The following CCBE1 variants were observed in gnomAD, a reference collection of about 807,000 sequenced individuals.
The protein encoded by CCBE1 is collagen and calcium-binding EGF domain-containing protein 1.
CCBE1 carries 37 observed loss-of-function variants against 50.0 expected under a neutral mutation model. The ratio of observed to expected loss-of-function variants is 0.74; its 90% CI spans 0.57 to 0.97. CCBE1 has a LOEUF of 0.97. CCBE1 is among the 50% of genes least tolerant of loss of function. The probability of loss-of-function intolerance (pLI) is 0.00; values close to 1 mark genes in which losing one functional copy is unlikely to be tolerated. For missense variants in CCBE1, 538 were observed against 523.8 expected (o/e 1.03, Z -0.26); for synonymous variants, 234 against 203.7 (o/e 1.15, Z -1.27).
At chr18:59,591,704 G>A (rs2053272338) in intron 2 of CCBE1, among the ~76,000 whole-genome samples, 2 of 152,088 alleles carry the variant, frequency 1.3e-5, no homozygotes, top group Non-Finnish European at 2.9e-5. Flanking sequence ...ATTGCTGGTG[G>A]GCATACAAAC....
intron 7 of CCBE1, among the ~76,000 whole-genome samples, chr18:59,447,121 G>A (rs889763216): frequency 2.0e-5 from 3 of 152,088 alleles, no homozygotes; most frequent in African/African-American, 7.2e-5. Flanking sequence ...TAATAAGGGT[G>A]AATATTCAGA....
chr18:59,526,556 G>A (rs1018320119), intron 2 of CCBE1, among the ~76,000 whole-genome samples: 3 of 152,114 alleles, frequency 2.0e-5, no homozygotes, highest in African/African-American at 7.2e-5. Context: ...TGATTCACCT[G>A]CCTCAGCCTC....
chr18:59,601,928 A>C (rs2053439560), intron 2 of CCBE1, among the ~76,000 whole-genome samples: 1 of 152,144 alleles, frequency 6.6e-6, no homozygotes, highest in Non-Finnish European at 1.5e-5. Flanking sequence ...TTTCCTTTCT[A>C]CTTTGCCCAT....
chr18:59,506,453 C>A (rs1275251825), intron 2 of CCBE1, among the ~76,000 whole-genome samples: 2 of 152,216 alleles, frequency 1.3e-5, no homozygotes, highest in African/African-American at 4.8e-5. Context: ...TAAGACACCA[C>A]TTCACTTGCT....
At chr18:59,676,845 G>C (rs1002230257) in intron 2 of CCBE1, among the ~76,000 whole-genome samples, 2 of 152,178 alleles carry the variant, frequency 1.3e-5, no homozygotes, top group African/African-American at 2.4e-5. Context: ...TTAGGAACCA[G>C]AATTAGGATT....
chr18:59,480,156 G>A, intron 3 of CCBE1, 30 bp downstream of exon 3: 2 of 1,374,560 alleles, frequency 1.5e-6, no homozygotes, highest in Non-Finnish European at 2.1e-6. Context: ...TGTGAATAAA[G>A]TCAGACAATA....
chr18:59,598,691 G>C (rs74885065), intron 2 of CCBE1, among the ~76,000 whole-genome samples: 13,315 of 152,244 alleles, frequency 0.087, 1,659 homozygotes, highest in African/African-American at 0.28. Flanking sequence ...AAGGGCAGAA[G>C]ATGATCCAGA....
chr18:59,577,401 G>A (rs1165352233), intron 2 of CCBE1, among the ~76,000 whole-genome samples: 1 of 152,144 alleles, frequency 6.6e-6, no homozygotes, highest in Admixed American at 6.5e-5. Context: ...AAGCCCCCTG[G>A]AAAGACACAA....
At chr18:59,470,992 C>T (rs973574726) in intron 3 of CCBE1, among the ~76,000 whole-genome samples, 20 of 152,238 alleles carry the variant, frequency 1.3e-4, no homozygotes, top group African/African-American at 4.8e-4. Context: ...ACCAACCCTG[C>T]AAACTGTCTC....
intron 5 of CCBE1, among the ~76,000 whole-genome samples, chr18:59,459,741 G>A (rs1378954953): frequency 6.6e-6 from 1 of 152,176 alleles, no homozygotes; most frequent in Non-Finnish European, 1.5e-5. Flanking sequence ...TTGTGTTCTG[G>A]CTGTAATATC....
Position 59,603,875 on chromosome 18 carries a change from C to T in CCBE1, c.212+92754G>A, listed in dbSNP as rs1366921. ...TGGAGGTGGACATCTGAAGCTCTGT[C>T]CTGACCTCCTCAGGCCGAAAGGTCC... On this transcript the variant is annotated intron_variant, in intron 2 of 10. Transcript: ENST00000439986. 5.1e-3 allele frequency among the ~76,000 whole-genome samples: 781 copies of T among 152,300 alleles called. 12 individuals carry two copies. The highest frequency in any genetic ancestry group is 0.018 in the African/African-American group (733 of 41,556).
At chr18:59,651,763 C>T (rs566615089) in intron 2 of CCBE1, among the ~76,000 whole-genome samples, 1 of 152,142 alleles carries the variant, frequency 6.6e-6, no homozygotes, top group Non-Finnish European at 1.5e-5. Flanking sequence ...CTGGGCCCCA[C>T]CTTGTAGTTC....
chr18:59,632,791 T>C lies in CCBE1; in HGVS notation c.212+63838A>G, dbSNP rs917980569. 1.1e-4 allele frequency among the ~76,000 whole-genome samples: 16 copies of C among 152,244 alleles called. No homozygotes were observed. The South Asian group carries it at 1.5e-3, about 14-fold the overall frequency. ...TATTTGTTTTATTTTATTTTTTTAA[T>C]AGAGACGGGGTTTCACCATGTTGGC... On this transcript the variant is annotated intron_variant, in intron 2 of 10. Transcript: ENST00000439986.
In CCBE1 at chr18:59,566,145, A is replaced by G. The variant is rs150349535; in HGVS notation, c.213-85907T>C. Among the ~76,000 whole-genome samples the G allele has an allele frequency of 7.1e-3, 1,077 of 152,332 alleles. 10 individuals are homozygous for G. The highest frequency in any genetic ancestry group is 0.025 in the African/African-American group (1,019 of 41,566). ...GTGGCTACCAGGGTGCCCCGCAGGC[A>G]GCAGGTCAGGAAATCAATCAGATGC... On this transcript the variant is annotated intron_variant, in intron 2 of 10. Transcript: ENST00000439986.
At position 59,659,650 on chromosome 18, in the gene CCBE1, G is replaced by A. The variant is rs183846442; in HGVS notation, c.212+36979C>T. ...GGGATGTGTCTGACCACAATTTCAG[G>A]ATTTCTAGAGAGCCTGGGTCTCAGG... is the stretch of plus-strand genomic sequence containing the variant. On this transcript the variant is annotated intron_variant, in intron 2 of 10. Transcript: ENST00000439986. Among the ~76,000 whole-genome samples the A allele has an allele frequency of 1.5e-3, 227 of 152,270 alleles. 2 individuals carry two copies. Among genetic ancestry groups the A allele is most frequent in the Non-Finnish European group, 6.5e-4 (44 of 68,016 alleles).
At chr18:59,630,424 G>A (rs1329935901) in intron 2 of CCBE1, among the ~76,000 whole-genome samples, 1 of 152,196 alleles carries the variant, frequency 6.6e-6, no homozygotes, top group African/African-American at 2.4e-5. Flanking sequence ...CTAAAATTCA[G>A]TGGCTTAGGA....
At chr18:59,693,367 C>A (rs2054762358) in intron 2 of CCBE1, among the ~76,000 whole-genome samples, 1 of 151,836 alleles carries the variant, frequency 6.6e-6, no homozygotes, top group African/African-American at 2.4e-5. Context: ...CCTTTTTTGT[C>A]CCCCAACTTG....
intron 3 of CCBE1, among the ~76,000 whole-genome samples, chr18:59,476,949 A>G (rs1160509447): frequency 6.6e-6 from 1 of 152,188 alleles, no homozygotes; most frequent in Non-Finnish European, 1.5e-5. Context: ...ATCCCTACTG[A>G]TCCACTAGCA....
intron 2 of CCBE1, among the ~76,000 whole-genome samples, chr18:59,559,146 G>A (rs1259060063): frequency 6.6e-6 from 1 of 152,102 alleles, no homozygotes; most frequent in Non-Finnish European, 1.5e-5. Context: ...AGCCCCAGTG[G>A]AAATATGGGA....
Sources: allele counts gnomAD v4.1 joint callset (sites outside exome capture counted in the v4.1 genomes callset), GRCh38; gene constraint gnomAD v4.1.1; transcripts MANE v1.5; gene names NCBI Gene and HGNC (gene_info 2026-07-23, HGNC 2026-07-21).